CENPI: variants seen among roughly 807,000 people sequenced by gnomAD.
CENPI encodes the protein centromere protein I, also known as FSH primary response 1.
CENPI carries 4 observed loss-of-function variants against 60.4 expected under a neutral mutation model. The observed-to-expected ratio is 0.07, with a 90% CI of 0.03 to 0.15. CENPI has a LOEUF of 0.15. Among genes scored for constraint, CENPI ranks in the 10% least tolerant of loss-of-function variants. CENPI has a pLI of 1.00. For missense variants in CENPI, 444 were observed against 534.5 expected (o/e 0.83, Z 1.67); for synonymous variants, 157 against 189.4 (o/e 0.83, Z 1.40).
chrX:101,113,751 G>T (rs1422047564), intron 6 of CENPI, among the ~76,000 whole-genome samples: 1 of 111,973 alleles, frequency 8.9e-6, no homozygotes, highest in Admixed American at 9.5e-5. Context: ...TTCTTTCATT[G>T]AAAATCTTTT....
chrX:101,131,404 C>T (rs1296504648), intron 13 of CENPI, among the ~76,000 whole-genome samples: 1 of 111,066 alleles, frequency 9.0e-6, no homozygotes, highest in Non-Finnish European at 1.9e-5. Context: ...TTTATGTTTC[C>T]TACTTGGGAA....
intron 17 of CENPI, 88 bp downstream of exon 17, chrX:101,145,287 T>A (rs753974423): frequency 1.9e-5 from 14 of 722,629 alleles, no homozygotes; most frequent in Non-Finnish European, 2.9e-5. Flanking sequence ...GCACAACCAT[T>A]AAGGTGGGCT....
chrX:101,150,362 C>T (rs1412202277), intron 20 of CENPI, among the ~76,000 whole-genome samples: 3 of 102,811 alleles, frequency 2.9e-5, no homozygotes, highest in Non-Finnish European at 6.0e-5. Flanking sequence ...TACAGATTGC[C>T]TTATTATTTT....
rs1196740528 is a variant in CENPI, at chrX:101,147,953, A to G, written c.1886A>G (p.Glu629Gly). The change falls in exon 20 of 22, where the codon GAG becomes GGG. Residue 629 changes from glutamate to glycine, a missense_variant. Physicochemically the swap from Glu to Gly is moderately conservative, Grantham distance 98. Coordinates refer to ENST00000682095, the MANE Select transcript of CENPI (RefSeq NM_001386188.2). ...TTTCTTTCCCATTAGACAAAATCAG[A>G]GTTCAATTTCAGCAGCAAGACTTAT... ...KNELVQKTKSEFNFSSKTYQE... is the reference protein window; with the variant it reads ...KNELVQKTKSGFNFSSKTYQE... 2 of 1,206,616 alleles carry G rather than the reference A, an allele frequency of 1.7e-6. No homozygotes were observed. The highest frequency in any genetic ancestry group is 3.6e-5 in the South Asian group (2 of 56,035).
intron 2 of CENPI, among the ~76,000 whole-genome samples, chrX:101,099,210 C>G (rs756075145): frequency 8.2e-5 from 9 of 110,406 alleles, no homozygotes; most frequent in Non-Finnish European, 1.7e-4. Flanking sequence ...GTGTGGATCA[C>G]TTGAGGTCAG....
chrX:101,150,720 A>G (rs1397895002), intron 20 of CENPI, among the ~76,000 whole-genome samples: 1 of 110,601 alleles, frequency 9.0e-6, no homozygotes, highest in African/African-American at 3.3e-5. Context: ...AATTTACATA[A>G]TTCTATACTA....
At chrX:101,130,413 T>C (rs2089784137) in intron 13 of CENPI, among the ~76,000 whole-genome samples, 1 of 112,064 alleles carries the variant, frequency 8.9e-6, no homozygotes, top group Admixed American at 9.5e-5. Context: ...CAGCCTGGGT[T>C]ACAGAGTGAG....
At chrX:101,129,316 T>G (rs778553539) in intron 12 of CENPI, among the ~76,000 whole-genome samples, 1 of 111,609 alleles carries the variant, frequency 9.0e-6, no homozygotes, top group South Asian at 3.7e-4. Context: ...AATTATAGAA[T>G]TAAAGGAAAG....
At chrX:101,169,338 G>A (rs1352082984), downstream of CENPI, among the ~76,000 whole-genome samples, 1 of 112,464 alleles carries the variant, frequency 8.9e-6, no homozygotes, top group Non-Finnish European at 1.9e-5. Context: ...GCAATATACA[G>A]TCATGTGCCA....
the CENPI span, among the ~76,000 whole-genome samples, chrX:101,175,364 A>G: frequency 8.9e-6 from 1 of 111,995 alleles, no homozygotes; most frequent in Non-Finnish European, 1.9e-5. Flanking sequence ...ACCCCATTAT[A>G]AGGAAGTAAG....
intron 20 of CENPI, among the ~76,000 whole-genome samples, chrX:101,154,207 G>A (rs1204111260): frequency 5.4e-5 from 6 of 111,786 alleles, no homozygotes; most frequent in African/African-American, 1.9e-4. Flanking sequence ...TCTTTTTCAA[G>A]ATTGTTTTGG....
chrX:101,107,566 A>G (rs2089497957), intron 4 of CENPI, among the ~76,000 whole-genome samples: 1 of 109,996 alleles, frequency 9.1e-6, no homozygotes, highest in African/African-American at 3.3e-5. Flanking sequence ...CATGTTGGCC[A>G]TGCTGGTCTT....
chrX:101,125,377 G>A, intron 8 of CENPI, among the ~76,000 whole-genome samples: 1 of 111,295 alleles, frequency 9.0e-6, no homozygotes, highest in East Asian at 2.8e-4. Flanking sequence ...CTTGTGCTTT[G>A]CTTTATCCTT....
chrX:101,127,560 A>G lies in CENPI; in HGVS notation c.969A>G (p.Gly323=). ...CCAGTAGCTACACTAAAGAATGTGG[A>G]AAAAAAGAGATGAGTCTTTCTGATT... ...LNSSSYTKEC[G]KKEMSLSDCL... is the part of the protein sequence containing the mutation. The change falls in exon 11 of 22, where the codon GGA becomes GGG. Residue 323 remains glycine, a synonymous_variant. Transcript: ENST00000682095. 8.4e-7 allele frequency: 1 copy of G among 1,196,058 alleles called. No individual in the cohort carries two copies. The highest frequency in any genetic ancestry group is 1.1e-6 in the Non-Finnish European group (1 of 882,886).
At chrX:101,116,291 A>T (rs1297162004) in intron 6 of CENPI, among the ~76,000 whole-genome samples, 2 of 109,111 alleles carry the variant, frequency 1.8e-5, no homozygotes, top group Non-Finnish European at 3.8e-5. Context: ...ACATTATGAG[A>T]TTTTTGGGGG....
intron 20 of CENPI, among the ~76,000 whole-genome samples, chrX:101,150,458 C>T (rs2089997668): frequency 9.1e-6 from 1 of 109,844 alleles, no homozygotes; most frequent in Admixed American, 9.9e-5. Context: ...ACAGCCTTGA[C>T]CTTGGGGGCT....
intron 18 of CENPI, among the ~76,000 whole-genome samples, chrX:101,146,822 C>T (rs2148234218): frequency 9.0e-6 from 1 of 110,996 alleles, no homozygotes; most frequent in Non-Finnish European, 1.9e-5. Flanking sequence ...GCAACCTCTG[C>T]CTCCCGGGTT....
the CENPI span, among the ~76,000 whole-genome samples, chrX:101,180,483 C>T: frequency 2.7e-5 from 3 of 111,539 alleles, no homozygotes; most frequent in African/African-American, 3.3e-5. Flanking sequence ...TTGTCGAGTT[C>T]GAAGACATCT....
chrX:101,150,941 G>A lies in CENPI; in HGVS notation c.2094+2780G>A, dbSNP rs192534323. Among the ~76,000 whole-genome samples, 69 of 111,237 alleles carry A rather than the reference G, an allele frequency of 6.2e-4. 1 individual carries two copies. Among genetic ancestry groups the A allele is most frequent in the South Asian group, 2.2e-3 (6 of 2,681 alleles). On this transcript the variant is annotated intron_variant, in intron 20 of 21. Transcript: ENST00000682095. ...CCTGCTTTTGTGTGTGTGTGTGTGT[G>A]TGCTTCTTCCTCATACTGCTTAGTT...
Sources: allele counts gnomAD v4.1 joint callset (sites outside exome capture counted in the v4.1 genomes callset), GRCh38; gene constraint gnomAD v4.1.1; transcripts MANE v1.5; gene names NCBI Gene and HGNC (gene_info 2026-07-23, HGNC 2026-07-21).